SPATS2L: variants seen among roughly 807,000 people sequenced by gnomAD.
The protein encoded by SPATS2L is spermatogenesis associated serine rich 2 like.
In SPATS2L, 30 loss-of-function variants were observed where a neutral mutation model predicts 59.6. The observed-to-expected ratio is 0.50, with a 90% CI of 0.38 to 0.68. SPATS2L has a LOEUF of 0.68. Ranked by LOEUF, SPATS2L falls within the 30% of genes least tolerant of loss-of-function variation. SPATS2L has a pLI of 0.00. For synonymous variants in SPATS2L, 252 were observed against 263.5 expected, an observed-to-expected ratio of 0.96 and a Z score of 0.42; for missense variants, 615 against 700.0, an observed-to-expected ratio of 0.88 and a Z score of 1.37.
At chr2:200,419,882 A>G (rs2106012651) in intron 6 of SPATS2L, among the ~76,000 whole-genome samples, 1 of 152,164 alleles carries the variant, frequency 6.6e-6, no homozygotes, top group South Asian at 2.1e-4. Flanking sequence ...AGCCAGTCAG[A>G]GGTCTTTTTT....
intron 7 of SPATS2L, among the ~76,000 whole-genome samples, chr2:200,440,111 A>G (rs1447807093): frequency 6.6e-6 from 1 of 152,234 alleles, no homozygotes; most frequent in Non-Finnish European, 1.5e-5. Context: ...GCAGGAAATC[A>G]GGCGAGATGG....
At chr2:200,328,298 C>T (rs2079822220) in intron 1 of SPATS2L, among the ~76,000 whole-genome samples, 1 of 152,068 alleles carries the variant, frequency 6.6e-6, no homozygotes, top group Admixed American at 6.5e-5. Context: ...TAGGCTGTGT[C>T]CTGTGTTATA....
chr2:200,425,755 G>A (rs4672791), intron 6 of SPATS2L, among the ~76,000 whole-genome samples: 54,370 of 152,080 alleles, frequency 0.36, 10,559 homozygotes, highest in Admixed American at 0.43. Flanking sequence ...CTCTTGGGGA[G>A]TTTACGTTCT....
chr2:200,416,328 G>A, intron 4 of SPATS2L, 51 bp from the exon 5 acceptor site: 1 of 944,488 alleles, frequency 1.1e-6, no homozygotes, highest in South Asian at 2.7e-5. Flanking sequence ...TGAATTTTGT[G>A]TGGTGTTTTA....
intron 9 of SPATS2L, among the ~76,000 whole-genome samples, chr2:200,461,685 T>A (rs1209747894): frequency 6.6e-6 from 1 of 152,216 alleles, no homozygotes; most frequent in Non-Finnish European, 1.5e-5. Context: ...CTAACCAGAT[T>A]TCAGTGAAAT....
At position 200,350,755 on chromosome 2, in the gene SPATS2L, C is replaced by T. The variant is rs568315055; in HGVS notation, c.-23+21275C>T. Among the ~76,000 whole-genome samples the T allele has an allele frequency of 5.9e-5, 9 of 152,138 alleles. No homozygotes were observed. In the East Asian group the frequency reaches 1.2e-3, roughly 20 times the overall value. On this transcript the variant is annotated intron_variant, in intron 2 of 12. Coordinates refer to ENST00000409140, the MANE Select transcript of SPATS2L (RefSeq NM_001100423.2). The stretch of plus-strand genomic sequence containing the variant: ...TCACCATGTTGGCCAGGCTGGTCAT[C>T]GGCTCCTGACCTCAAGTGATCTGCC...
At chr2:200,352,706 T>C (rs2080783160) in intron 2 of SPATS2L, among the ~76,000 whole-genome samples, 1 of 152,130 alleles carries the variant, frequency 6.6e-6, no homozygotes, top group Non-Finnish European at 1.5e-5. Context: ...ACACCTGAAT[T>C]CAGGGTTCAG....
In SPATS2L at chr2:200,412,361, C is replaced by A. The variant is rs754161319; in HGVS notation, c.90C>A (p.Val30=). ...CCAACAAAAGCAATAATGAAATAGT[C>A]CTGGTGCTCCAACAGTTTGATTTTA... ...VVPNKSNNEI[V]LVLQQFDFNV... is the part of the protein sequence containing the mutation. Residue 30 remains valine, a synonymous_variant, in exon 4 of 13, where the codon GTC becomes GTA. Transcript: ENST00000409140. 4 of 1,607,972 alleles carry A rather than the reference C, an allele frequency of 2.5e-6. No individual in the cohort carries two copies. The East Asian group carries it at 6.7e-5, about 27-fold the overall frequency.
At chr2:200,447,140 T>C (rs1217429673) in intron 8 of SPATS2L, among the ~76,000 whole-genome samples, 1 of 152,216 alleles carries the variant, frequency 6.6e-6, no homozygotes, top group African/African-American at 2.4e-5. Flanking sequence ...AATATCACAG[T>C]GGGGACCAGG....
chr2:200,318,795 T>A (rs921989259), intron 1 of SPATS2L, among the ~76,000 whole-genome samples: 1 of 152,182 alleles, frequency 6.6e-6, no homozygotes, highest in Non-Finnish European at 1.5e-5. Context: ...GATACTGTGG[T>A]CTAACATCTC....
rs941224112 is a variant in SPATS2L at position 200,477,703 on chromosome 2, C to T, written c.1349C>T (p.Ala450Val). The change falls in exon 13 of 13, where the codon GCC becomes GTC. Residue 450 changes from alanine (A) to valine (V), a missense_variant. Around this residue, in one of 3 missense-constraint regions of SPATS2L, gnomAD observed 284 missense variants for 280.1 expected, o/e 1.01. Coordinates refer to ENST00000409140, the MANE Select transcript of SPATS2L (RefSeq NM_001100423.2). ...QYHNNRLNGP[A>V]KSQGSGNEAE... is the part of the protein sequence containing the mutation. Reference sequence around the variant, plus strand: ...CATAACAACAGGCTAAATGGGCCTGCCAAGTCGCAGGGCAGTGGGAATGAA... The same window carrying T: ...CATAACAACAGGCTAAATGGGCCTGTCAAGTCGCAGGGCAGTGGGAATGAA... 6.4e-7 allele frequency: 1 copy of T among 1,565,226 alleles called. No homozygotes were observed. Among genetic ancestry groups the T allele is most frequent in the Admixed American group, 1.9e-5 (1 of 52,560 alleles).
At chr2:200,366,705 C>T (rs993685718) in intron 2 of SPATS2L, among the ~76,000 whole-genome samples, 1 of 152,184 alleles carries the variant, frequency 6.6e-6, no homozygotes, top group Non-Finnish European at 1.5e-5. Context: ...CAATAGCTCA[C>T]ATGTGATGTC....
At chr2:200,307,231 G>C (rs1458071088) in intron 1 of SPATS2L, among the ~76,000 whole-genome samples, 1 of 151,628 alleles carries the variant, frequency 6.6e-6, no homozygotes, top group Non-Finnish European at 1.5e-5. Flanking sequence ...GCCGCGCTCC[G>C]ACGTGTACCC....
chr2:200,475,310 C>G (rs889826211), intron 12 of SPATS2L, among the ~76,000 whole-genome samples: 11 of 152,190 alleles, frequency 7.2e-5, no homozygotes, highest in Non-Finnish European at 1.5e-4. Context: ...GACACAGCCT[C>G]AGAAGGTCTG....
chr2:200,326,471 G>A (rs1054625531), intron 1 of SPATS2L, among the ~76,000 whole-genome samples: 3 of 152,096 alleles, frequency 2.0e-5, no homozygotes, highest in African/African-American at 7.2e-5. Context: ...TTCTCTCTAG[G>A]CTTAAGAAAG....
At chr2:200,365,919 A>G (rs1410921836) in intron 2 of SPATS2L, among the ~76,000 whole-genome samples, 15 of 152,202 alleles carry the variant, frequency 9.9e-5, no homozygotes, top group Admixed American at 9.8e-4. Context: ...GCTAGGACTC[A>G]GCACAAGCCT....
chr2:200,426,260 T>C (rs1241238355), intron 6 of SPATS2L, among the ~76,000 whole-genome samples: 6 of 151,952 alleles, frequency 3.9e-5, no homozygotes, highest in African/African-American at 1.5e-4. Context: ...CCAGCTAATA[T>C]TTTGTGCTTT....
chr2:200,421,972 A>C (rs1378318428), intron 6 of SPATS2L, among the ~76,000 whole-genome samples: 2 of 152,252 alleles, frequency 1.3e-5, no homozygotes. Context: ...TAACTCTGTC[A>C]AGTATATGAC....
intron 12 of SPATS2L, 141 bp from the exon 13 acceptor site, chr2:200,477,495 T>C (rs539111572): frequency 4.9e-6 from 3 of 613,922 alleles, no homozygotes; most frequent in Non-Finnish European, 5.1e-6. Flanking sequence ...ATCTTCATGT[T>C]TTCTGATTCT....
Sources: allele counts gnomAD v4.1 joint callset (sites outside exome capture counted in the v4.1 genomes callset), GRCh38; gene constraint gnomAD v4.1.1; regional missense constraint gnomAD v4.1.1; transcripts MANE v1.5; gene names NCBI Gene and HGNC (gene_info 2026-07-23, HGNC 2026-07-21).